The following GLB1 variants were observed in gnomAD, a reference collection of about 807,000 sequenced individuals.
GLB1 encodes beta-galactosidase.
Under a neutral mutation model 74.0 loss-of-function variants are expected in GLB1, and 56 were observed. That is an observed-to-expected ratio of 0.76 (90% CI 0.61 to 0.94). GLB1 has a LOEUF of 0.94. Ranked by LOEUF, GLB1 falls within the 40% of genes least tolerant of loss-of-function variation. The pLI, the probability that GLB1 is intolerant of heterozygous loss-of-function variation, is 0.00. For synonymous variants in GLB1, 323 were observed against 323.6 expected, an observed-to-expected ratio of 1.00 and a Z score of 0.02; for missense variants, 787 against 845.5, an observed-to-expected ratio of 0.93 and a Z score of 0.86.
intron 5 of GLB1, among the ~76,000 whole-genome samples, chr3:33,060,082 G>A (rs879024361): frequency 6.6e-6 from 1 of 152,176 alleles, no homozygotes; most frequent in Non-Finnish European, 1.5e-5. Context: ...TTTCATCCAC[G>A]TGCAGAGTTG....
the GLB1 span, among the ~76,000 whole-genome samples, chr3:32,962,899 C>T: frequency 1.3e-5 from 2 of 152,004 alleles, no homozygotes; most frequent in African/African-American, 4.8e-5. Flanking sequence ...CAATGTTATT[C>T]TTCAAGACAT....
chr3:33,052,353 G>A (rs922531711), intron 7 of GLB1, among the ~76,000 whole-genome samples: 8 of 152,222 alleles, frequency 5.3e-5, no homozygotes, highest in Admixed American at 4.6e-4. Flanking sequence ...ACAGCTCCAG[G>A]CCGGGCGCAG....
intron 5 of GLB1, among the ~76,000 whole-genome samples, chr3:33,059,845 C>A (rs1011222932): frequency 2.6e-5 from 4 of 152,190 alleles, no homozygotes; most frequent in Non-Finnish European, 5.9e-5. Context: ...TTAACATGCA[C>A]ATAATACAAA....
At chr3:32,975,299 G>T in the GLB1 span, among the ~76,000 whole-genome samples, 1 of 152,002 alleles carries the variant, frequency 6.6e-6, no homozygotes, top group Non-Finnish European at 1.5e-5. Context: ...TGCCCAGGCT[G>T]GTTTCAAAGT....
the GLB1 span, among the ~76,000 whole-genome samples, chr3:32,963,855 A>G: frequency 1.3e-5 from 2 of 152,228 alleles, no homozygotes; most frequent in East Asian, 3.8e-4. Context: ...TGCCAAAGCA[A>G]TAGCAATATT....
chr3:33,000,552 C>G (rs986901190), intron 15 of GLB1, among the ~76,000 whole-genome samples: 1 of 152,034 alleles, frequency 6.6e-6, no homozygotes, highest in Non-Finnish European at 1.5e-5. Context: ...TATGGTGAAA[C>G]CCTGTCTCTA....
the GLB1 span, among the ~76,000 whole-genome samples, chr3:32,969,084 A>T: frequency 1.3e-4 from 20 of 152,310 alleles, 1 homozygote; most frequent in Middle Eastern, 6.8e-3. Flanking sequence ...GAGATTTGAC[A>T]CATCGGCCCC....
intron 1 of GLB1, among the ~76,000 whole-genome samples, chr3:33,082,120 G>A (rs1238107436): frequency 6.6e-6 from 1 of 152,206 alleles, no homozygotes; most frequent in Non-Finnish European, 1.5e-5. Context: ...CACCTTCTGA[G>A]GACTACTGGA....
intron 9 of GLB1, 80 bp downstream of exon 9, chr3:33,051,678 G>T: frequency 6.3e-7 from 1 of 1,584,412 alleles, no homozygotes; most frequent in Non-Finnish European, 8.6e-7. Flanking sequence ...AAATAAAATT[G>T]TCTGTGGGCA....
At chr3:33,079,537 C>T (rs1700248005) in intron 1 of GLB1, among the ~76,000 whole-genome samples, 1 of 152,170 alleles carries the variant, frequency 6.6e-6, no homozygotes, top group African/African-American at 2.4e-5. Flanking sequence ...AATCTTTCAA[C>T]CCTCTCTGAA....
rs535443291 is a variant in GLB1 at position 33,076,754 on chromosome 3, G to A, written c.76-4041C>T. Among the ~76,000 whole-genome samples the A allele has an allele frequency of 2.6e-5, 4 of 152,186 alleles. No individual in the cohort carries two copies. The South Asian group carries it at 8.3e-4, about 32-fold the overall frequency. On this transcript the variant is annotated intron_variant, in intron 1 of 15. Coordinates refer to ENST00000307363, the MANE Select transcript of GLB1 (RefSeq NM_000404.4). Reference sequence around the variant, plus strand: ...CCTATCAGTTCATCGTAATTTACAGGGAGAAAAAATTCATTGGTCACTTTT... The same window carrying A: ...CCTATCAGTTCATCGTAATTTACAGAGAGAAAAAATTCATTGGTCACTTTT...
At chr3:33,077,320 A>G (rs1700149526) in intron 1 of GLB1, 2 of 1,556,678 alleles carry the variant, frequency 1.3e-6, no homozygotes, top group Non-Finnish European at 1.7e-6. Context: ...GGCATACACC[A>G]CTTAGTAAAC....
the GLB1 span, among the ~76,000 whole-genome samples, chr3:32,973,637 C>T: frequency 2.5e-4 from 38 of 152,166 alleles, no homozygotes; most frequent in African/African-American, 8.2e-4. Context: ...TGAGCCACCA[C>T]GCCTGGCCTA....
the GLB1 span, among the ~76,000 whole-genome samples, chr3:32,964,566 GATAGGCAATATATAACA>G: frequency 1.3e-5 from 2 of 152,212 alleles, no homozygotes; most frequent in Non-Finnish European, 2.9e-5. Context: ...ATTGAAATGT[GATAGGCAATATATAACA>G]ACAGAAGTCT....
At chr3:33,075,540 A>T (rs1389689732) in intron 1 of GLB1, among the ~76,000 whole-genome samples, 1 of 152,192 alleles carries the variant, frequency 6.6e-6, no homozygotes, top group East Asian at 1.9e-4. Context: ...AACCACACAG[A>T]TGTGGCCACA....
intron 6 of GLB1, among the ~76,000 whole-genome samples, chr3:33,057,369 A>G (rs1316813371): frequency 6.6e-6 from 1 of 152,224 alleles, no homozygotes; most frequent in Non-Finnish European, 1.5e-5. Flanking sequence ...TATTTAGGGC[A>G]GTGCAAGAAT....
rs61013692 is a variant in GLB1, at chr3:33,022,564, A to ATTTTTTTTTTTTTTTTTTTTTTT, written c.1144-910_1144-909insAAAAAAAAAAAAAAAAAAAAAAA. Among the ~76,000 whole-genome samples, 68 of 63,766 alleles carry ATTTTTTTTTTTTTTTTTTTTTTT rather than the reference A, an allele frequency of 1.1e-3. 28 individuals carry two copies. Among genetic ancestry groups the ATTTTTTTTTTTTTTTTTTTTTTT allele is most frequent in the South Asian group, 4.5e-3 (4 of 890 alleles). The allele number at this position is 63,766 out of a possible 152,430, so 41.8% of individuals were successfully genotyped here. ...TTCCATGACTATAATACTGGTTAGG[A>ATTTTTTTTTTTTTTTTTTTTTTT]TTTTTTTTTTTTTTTTTTTGAGAGA... is the stretch of plus-strand genomic sequence containing the variant. On this transcript the variant is annotated intron_variant, in intron 11 of 15. Transcript: ENST00000307363.
At chr3:33,024,113 T>C in intron 11 of GLB1, 138 bp downstream of exon 11, 1 of 964,858 alleles carries the variant, frequency 1.0e-6, no homozygotes, top group South Asian at 1.5e-5. Flanking sequence ...ATTTACCCCA[T>C]TAGGCTTGCA....
In GLB1 at chr3:33,093,025, G is replaced by A; in HGVS notation, c.75+3986C>T. Reference sequence around the variant, plus strand: ...GGGAAGATCTGCCCAGCATGTGTGTGCCCAGAAAGGATCAGGTTAATATCT... The same window carrying A: ...GGGAAGATCTGCCCAGCATGTGTGTACCCAGAAAGGATCAGGTTAATATCT... On this transcript the variant is annotated intron_variant, in intron 1 of 15. Coordinates refer to ENST00000307363, the MANE Select transcript of GLB1 (RefSeq NM_000404.4). This position sits in a 1 kb window ranked among gnomAD's most constrained non-coding sequence, Gnocchi z 6.0. 6.2e-7 allele frequency: 1 copy of A among 1,614,232 alleles called. No homozygotes were observed. The highest frequency in any genetic ancestry group is 8.5e-7 in the Non-Finnish European group (1 of 1,180,036).
Sources: gnomAD v4.1 joint callset for allele counts (sites outside exome capture counted in the v4.1 genomes callset) on GRCh38, gnomAD v4.1.1 for gene constraint, Gnocchi (gnomAD v3.1) non-coding constraint, MANE v1.5 for transcripts, NCBI Gene and HGNC (gene_info 2026-07-23, HGNC 2026-07-21) for gene names.